Variants in AOAH observed in about 807,000 individuals in gnomAD.
AOAH encodes acyloxyacyl hydrolase, also known as acyloxyacyl hydrolase (neutrophil).
Under a neutral mutation model 92.2 loss-of-function variants are expected in AOAH, and 64 were observed. That is an observed-to-expected ratio of 0.69 (90% CI 0.57 to 0.86). The LOEUF (loss-of-function observed/expected upper bound fraction) is 0.86, where lower values mean the gene tolerates loss of function less well. Ranked by LOEUF, AOAH falls within the 40% of genes least tolerant of loss-of-function variation. The probability of loss-of-function intolerance (pLI) is 0.00; values close to 1 mark genes in which losing one functional copy is unlikely to be tolerated. For missense variants in AOAH, 656 were observed against 694.6 expected, an observed-to-expected ratio of 0.94 and a Z score of 0.62; for synonymous variants, 263 against 254.5, an observed-to-expected ratio of 1.03 and a Z score of -0.32.
chr7:36,716,779 C>T, intron 1 of AOAH, among the ~76,000 whole-genome samples: 1 of 150,958 alleles, frequency 6.6e-6, no homozygotes, highest in Middle Eastern at 3.2e-3. Flanking sequence ...ACAATGAGAA[C>T]ACATGGACAC....
intron 11 of AOAH, among the ~76,000 whole-genome samples, chr7:36,607,180 G>A (rs1348632323): frequency 6.6e-6 from 1 of 152,136 alleles, no homozygotes; most frequent in Non-Finnish European, 1.5e-5. Context: ...GCTGGGATGG[G>A]GTCATGTACG....
At chr7:36,636,431 G>A (rs565288853) in intron 5 of AOAH, among the ~76,000 whole-genome samples, 1 of 152,324 alleles carries the variant, frequency 6.6e-6, no homozygotes, top group African/African-American at 2.4e-5. Flanking sequence ...ACAATGCCTG[G>A]AGAATACGTT....
intron 1 of AOAH, among the ~76,000 whole-genome samples, chr7:36,705,088 C>G (rs1248080206): frequency 2.0e-5 from 3 of 152,156 alleles, no homozygotes; most frequent in African/African-American, 7.2e-5. Context: ...TGGCACAAGA[C>G]AAGGATGTGC....
chr7:36,700,231 A>G (rs560999472), intron 1 of AOAH, among the ~76,000 whole-genome samples: 5 of 152,036 alleles, frequency 3.3e-5, no homozygotes, highest in Non-Finnish European at 5.9e-5. Context: ...TATTACATGG[A>G]TATATTGTGT....
chr7:36,683,608 G>T (rs1435227403), intron 2 of AOAH, among the ~76,000 whole-genome samples: 2 of 152,302 alleles, frequency 1.3e-5, no homozygotes, highest in East Asian at 1.9e-4. Context: ...AATGAGTAAT[G>T]ATTGGAGATT....
Position 36,637,920 on chromosome 7 carries a change from C to A in AOAH, c.391-10G>T, listed in dbSNP as rs773958536. ...TAAATTTCCATGTCTCCTATAAAAA[C>A]AAAGTTAGAGAACATTACAACTCAT... is the stretch of plus-strand genomic sequence containing the variant. On this transcript the variant is annotated splice_polypyrimidine_tract_variant and intron_variant, in intron 4 of 20. Transcript: ENST00000617537. The A allele has an allele frequency of 1.9e-6, 3 of 1,606,580 alleles. No homozygotes were observed. The highest frequency in any genetic ancestry group is 4.5e-5 in the East Asian group (2 of 44,848).
At position 36,621,733 on chromosome 7, in the gene AOAH, G is replaced by A. The variant is rs143001490; in HGVS notation, c.630C>T (p.Asp210=). 6.6e-4 allele frequency: 1,071 copies of A among 1,614,018 alleles called. 16 individuals are homozygous for A. The South Asian group carries it at 0.01, about 16-fold the overall frequency. The change falls in exon 8 of 21, where the codon GAC becomes GAT. Residue 210 remains aspartate (D), a synonymous_variant. Coordinates refer to ENST00000617537, the MANE Select transcript of AOAH (RefSeq NM_001637.4). ...HWRGRDCNDS[D]ESVYPGRRPN... The stretch of plus-strand genomic sequence containing the variant: ...ACCTTCTACCTGGGTACACTGACTC[G>A]TCGCTGTCATTACAGTCTCTCCCCC...
At chr7:36,678,738 A>G (rs559694974) in intron 2 of AOAH, among the ~76,000 whole-genome samples, 1 of 152,284 alleles carries the variant, frequency 6.6e-6, no homozygotes, top group South Asian at 2.1e-4. Context: ...CCCTGGAGCA[A>G]TGGCTGATAT....
At chr7:36,595,018 CA>C (rs1489623913) in intron 11 of AOAH, among the ~76,000 whole-genome samples, 2 of 152,130 alleles carry the variant, frequency 1.3e-5, no homozygotes, top group African/African-American at 4.8e-5. Flanking sequence ...CACAATTTGT[CA>C]AGAACTCCTG....
At chr7:36,667,104 A>G (rs1227615352) in intron 3 of AOAH, among the ~76,000 whole-genome samples, 1 of 152,230 alleles carries the variant, frequency 6.6e-6, no homozygotes, top group Non-Finnish European at 1.5e-5. Flanking sequence ...GAGTTCAACT[A>G]CAGTAGTCCC....
chr7:36,581,345 T>G (rs1233901498), intron 12 of AOAH, among the ~76,000 whole-genome samples: 1 of 152,236 alleles, frequency 6.6e-6, no homozygotes. Context: ...GTTCTCTTCG[T>G]CCTCTTGGAC....
At chr7:36,581,123 C>A (rs142768665) in intron 12 of AOAH, among the ~76,000 whole-genome samples, 30 of 152,218 alleles carry the variant, frequency 2.0e-4, no homozygotes, top group Non-Finnish European at 7.4e-5. Flanking sequence ...ATCTTCCAAC[C>A]AATACTTCTG....
intron 19 of AOAH, among the ~76,000 whole-genome samples, chr7:36,528,127 GC>G (rs999197671): frequency 1.3e-5 from 2 of 152,130 alleles, no homozygotes; most frequent in Non-Finnish European, 2.9e-5. Context: ...CTAGTGGGGT[GC>G]CCACTAACTT....
chr7:36,603,934 T>C (rs930576991), intron 11 of AOAH, among the ~76,000 whole-genome samples: 9 of 152,246 alleles, frequency 5.9e-5, no homozygotes, highest in Non-Finnish European at 7.3e-5. Flanking sequence ...TATTCTGCTA[T>C]AGCAAGATAC....
intron 20 of AOAH, chr7:36,514,804 G>T (rs1026378023): frequency 4.0e-6 from 2 of 503,014 alleles, no homozygotes; most frequent in Non-Finnish European, 7.2e-6. Context: ...AATAGGCAGC[G>T]TAGCCAACTC....
chr7:36,630,346 C>G (rs1424370695), intron 6 of AOAH, among the ~76,000 whole-genome samples: 1 of 152,240 alleles, frequency 6.6e-6, no homozygotes, highest in Admixed American at 6.5e-5. Context: ...CAAGGCTGAG[C>G]TAGCACAGGC....
intron 13 of AOAH, among the ~76,000 whole-genome samples, chr7:36,561,793 T>G (rs977465128): frequency 6.6e-6 from 1 of 152,184 alleles, no homozygotes; most frequent in Non-Finnish European, 1.5e-5. Flanking sequence ...GCTGGGAATC[T>G]GAGGTGCAGA....
intron 11 of AOAH, among the ~76,000 whole-genome samples, chr7:36,615,518 C>G (rs1791803619): frequency 6.6e-6 from 1 of 152,198 alleles, no homozygotes; most frequent in African/African-American, 2.4e-5. Context: ...GAAGCCCCAA[C>G]TGCAGGTGAC....
At chr7:36,700,645 CAT>C (rs918830026) in intron 1 of AOAH, among the ~76,000 whole-genome samples, 5 of 151,952 alleles carry the variant, frequency 3.3e-5, no homozygotes, top group African/African-American at 1.2e-4. Flanking sequence ...TAAACAGAAA[CAT>C]ATGAGCAGGT....
Sources: allele counts gnomAD v4.1 joint callset (sites outside exome capture counted in the v4.1 genomes callset), GRCh38; gene constraint gnomAD v4.1.1; transcripts MANE v1.5; gene names NCBI Gene and HGNC (gene_info 2026-07-23, HGNC 2026-07-21).